Variants in PDPK1 observed in about 807,000 individuals in gnomAD.
PDPK1 encodes 3-phosphoinositide dependent protein kinase 1, also known as 3-phosphoinositide-dependent protein kinase 1.
A neutral mutation model predicts 39.8 loss-of-function variants in PDPK1; 7 were observed. That is an observed-to-expected ratio of 0.18 (90% CI 0.10 to 0.33). The LOEUF (loss-of-function observed/expected upper bound fraction) is 0.33. Ranked by LOEUF, PDPK1 falls within the 10% of genes least tolerant of loss-of-function variation. The pLI is 1.00. For synonymous variants in PDPK1, 118 were observed against 159.1 expected (o/e 0.74, Z 1.95); for missense variants, 182 against 384.7 (o/e 0.47, Z 4.41).
chr16:2,539,650 A>T (rs987885062), intron 1 of PDPK1: 1 of 152,198 alleles, frequency 6.6e-6, no homozygotes, highest in Non-Finnish European at 1.5e-5. Context: ...GTGGCTGTAC[A>T]CCAGAGTGGC....
intron 11 of PDPK1, 76 bp from the exon 12 acceptor site, chr16:2,595,717 C>G (rs968691533): frequency 4.2e-6 from 5 of 1,184,744 alleles, no homozygotes; most frequent in Non-Finnish European, 6.3e-6. Context: ...ATGGGGAGTT[C>G]GTGTGGCAGG....
At chr16:2,538,363 G>A (rs2066176272) in intron 1 of PDPK1, 2 of 382,496 alleles carry the variant, frequency 5.2e-6, no homozygotes, top group Non-Finnish European at 1.0e-5. Flanking sequence ...GGCCGGGGGC[G>A]CTGACAGACG....
At chr16:2,557,564 G>C (rs2066523057) in intron 1 of PDPK1, 139 bp from the exon 2 acceptor site, 1 of 526,110 alleles carries the variant, frequency 1.9e-6, no homozygotes, top group Admixed American at 3.4e-5. Flanking sequence ...GCTCACAGCA[G>C]ACCGCGGGGC....
At chr16:2,588,129 G>A (rs1236558885) in intron 11 of PDPK1, among the ~76,000 whole-genome samples, 4 of 152,196 alleles carry the variant, frequency 2.6e-5, no homozygotes, top group East Asian at 1.9e-4. Flanking sequence ...GGGCCGCCCC[G>A]GCAGGTGGGG....
chr16:2,539,233 C>G (rs1432480895), intron 1 of PDPK1: 1 of 157,580 alleles, frequency 6.3e-6, no homozygotes, highest in Non-Finnish European at 1.4e-5. Flanking sequence ...GCGTATGCCA[C>G]CATGCCCGGC....
chr16:2,547,219 C>T (rs984960942), intron 1 of PDPK1, among the ~76,000 whole-genome samples: 3 of 148,684 alleles, frequency 2.0e-5, no homozygotes, highest in Non-Finnish European at 4.4e-5. Flanking sequence ...TCATTTCCCC[C>T]CATGTGGACC....
rs753787792 is a variant in PDPK1, at chr16:2,597,793, C to T, written c.*26C>T. 1.5e-5 allele frequency: 22 copies of T among 1,507,158 alleles called. No individual in the cohort carries two copies. Among genetic ancestry groups the T allele is most frequent in the Admixed American group, 3.4e-5 (2 of 59,528 alleles). 93.4% of individuals were successfully genotyped at this position (1,507,158 alleles called of 1,614,324 possible). ...CGTGGCCTGCGGCCGGGCTGCCCTT[C>T]GCTGCCAGGACACCTGCCCCAGCGC... On this transcript the variant is annotated 3_prime_UTR_variant, in exon 14 of 14. Transcript: ENST00000342085. This position sits in a 1 kb window ranked among gnomAD's most constrained non-coding sequence, Gnocchi z 6.3.
chr16:2,540,966 G>C (rs552820478), intron 1 of PDPK1, among the ~76,000 whole-genome samples: 193 of 146,948 alleles, frequency 1.3e-3, no homozygotes, highest in African/African-American at 5.1e-3. Context: ...AGTGGCTTTC[G>C]ATTTTCTCTC....
rs1196984878 is a variant in PDPK1, at chr16:2,561,899, GAGA to G, written c.460_462del (p.Lys154del). 7.2e-6 allele frequency: 2 copies of G among 277,882 alleles called. No individual in the cohort carries two copies. The highest frequency in any genetic ancestry group is 1.2e-5 in the Non-Finnish European group (2 of 163,184). The allele number at this position is 277,882 out of a possible 1,614,324, so 17.2% of individuals were successfully genotyped here. On this transcript the variant is annotated inframe_deletion, in exon 4 of 14. Coordinates refer to ENST00000342085, the MANE Select transcript of PDPK1 (RefSeq NM_002613.5). ...GCTTTACTTCACATTTCAGGACGAC[GAGA>G]AGCTGTGTATCCTTTGCGTGGTTGG...
At chr16:2,587,010 G>A (rs1386803963) in intron 11 of PDPK1, 117 bp downstream of exon 11, 5 of 867,950 alleles carry the variant, frequency 5.8e-6, no homozygotes, top group Non-Finnish European at 9.4e-6. Context: ...TGGACGCTTG[G>A]CCAAGGAGCA....
At chr16:2,590,811 ATAT>A (rs1223087477) in intron 11 of PDPK1, among the ~76,000 whole-genome samples, 1 of 152,020 alleles carries the variant, frequency 6.6e-6, no homozygotes, top group African/African-American at 2.4e-5. Flanking sequence ...TTGTTTGTTT[ATAT>A]TATTTTTTAA....
Position 2,580,118 on chromosome 16 carries a change from G to A in PDPK1, c.786-1177G>A, listed in dbSNP as rs528385345. On this transcript the variant is annotated intron_variant, in intron 7 of 13. Coordinates refer to ENST00000342085, the MANE Select transcript of PDPK1 (RefSeq NM_002613.5). ...GTGGCTTTTATGCCATTCGAGTCAC[G>A]TTGGACAAGCAGTTTTGAGCCCTGC... Among the ~76,000 whole-genome samples, 88 of 148,524 alleles carry A rather than the reference G, an allele frequency of 5.9e-4. 5 individuals carry two copies. Among genetic ancestry groups the A allele is most frequent in the Non-Finnish European group, 1.2e-3 (79 of 67,264 alleles).
chr16:2,543,978 G>C (rs1396483051), intron 1 of PDPK1, among the ~76,000 whole-genome samples: 1 of 149,060 alleles, frequency 6.7e-6, no homozygotes, highest in Non-Finnish European at 1.5e-5. Context: ...CAGGTGATCC[G>C]CCCACCTCGG....
Position 2,597,549 on chromosome 16 carries a change from C to T in PDPK1, c.1555-102C>T. 1.2e-6 allele frequency: 1 copy of T among 861,754 alleles called. No individual in the cohort carries two copies. The highest frequency in any genetic ancestry group is 2.0e-6 in the Non-Finnish European group (1 of 502,696). 53.4% of individuals were successfully genotyped at this position (861,754 alleles called of 1,614,324 possible). A position where few individuals can be genotyped will look rare whatever the true frequency, so the allele number is the denominator to read the frequency against. On this transcript the variant is annotated intron_variant, in intron 13 of 13. Coordinates refer to ENST00000342085, the MANE Select transcript of PDPK1 (RefSeq NM_002613.5). This position sits in a 1 kb window ranked among gnomAD's most constrained non-coding sequence, Gnocchi z 6.3. Reference sequence around the variant, plus strand: ...TGTGAATAACCGTCACACCCACGTGCTTTCAGGACTCGGAATGGCTGGTCG... The same window carrying T: ...TGTGAATAACCGTCACACCCACGTGTTTTCAGGACTCGGAATGGCTGGTCG...
chr16:2,590,516 G>A (rs1368361944), intron 11 of PDPK1, among the ~76,000 whole-genome samples: 1 of 150,364 alleles, frequency 6.7e-6, no homozygotes, highest in Non-Finnish European at 1.5e-5. Flanking sequence ...GCAAACATGA[G>A]TGTGCAGCCA....
Position 2,552,303 on chromosome 16 carries a change from G to A in PDPK1, c.25-5400G>A, listed in dbSNP as rs374045642. 1.4e-3 allele frequency among the ~76,000 whole-genome samples: 212 copies of A among 150,410 alleles called. 3 individuals are homozygous for A. The highest frequency in any genetic ancestry group is 5.0e-3 in the African/African-American group (202 of 40,794). On this transcript the variant is annotated intron_variant, in intron 1 of 13. Transcript: ENST00000342085. ...CTACTTCTAAGAGATGGAGACTGCT[G>A]AACTTCATACCCAGACAAGTTAAAG...
At chr16:2,595,760 A>G (rs200543006) in intron 11 of PDPK1, 33 bp from the exon 12 acceptor site, 1 of 1,551,680 alleles carries the variant, frequency 6.4e-7, no homozygotes, top group African/African-American at 1.4e-5. Flanking sequence ...TGTGATTGTC[A>G]TGGGAGCATC....
intron 10 of PDPK1, among the ~76,000 whole-genome samples, chr16:2,585,389 G>T (rs923411704): frequency 6.6e-6 from 1 of 152,196 alleles, no homozygotes; most frequent in Non-Finnish European, 1.5e-5. Context: ...CTTGGCAAAC[G>T]GTGTCAAGCA....
rs755991413 is a variant in PDPK1 at position 2,597,662 on chromosome 16, G to A, written c.1566G>A (p.Thr522=). ...KTFFVHTPNR[T]YYLMDPSGNA... The stretch of plus-strand genomic sequence containing the variant: ...TTCTGTCTTCGCAGCCTAACAGGAC[G>A]TATTATCTGATGGACCCCAGCGGGA... Residue 522 remains threonine (T), a synonymous_variant, in exon 14 of 14, where the codon ACG becomes ACA. Coordinates refer to ENST00000342085, the MANE Select transcript of PDPK1 (RefSeq NM_002613.5). This position sits in a 1 kb window ranked among gnomAD's most constrained non-coding sequence, Gnocchi z 6.3. The A allele has an allele frequency of 2.5e-5, 40 of 1,612,648 alleles. No homozygotes were observed. In the East Asian group the frequency reaches 2.7e-4, roughly 11 times the overall value.
Sources: allele counts gnomAD v4.1 joint callset (sites outside exome capture counted in the v4.1 genomes callset), GRCh38; gene constraint gnomAD v4.1.1; non-coding constraint Gnocchi (gnomAD v3.1); transcripts MANE v1.5; gene names NCBI Gene and HGNC (gene_info 2026-07-23, HGNC 2026-07-21).